SLC22A16: variants seen among roughly 807,000 people sequenced by gnomAD.
SLC22A16 encodes WUGSC:RG331P03.1.
A neutral mutation model predicts 52.9 loss-of-function variants in SLC22A16; 53 were observed. The ratio of observed to expected loss-of-function variants is 1.00; its 90% CI spans 0.80 to 1.26. The LOEUF (loss-of-function observed/expected upper bound fraction) is 1.26, where lower values mean the gene tolerates loss of function less well. Among genes scored for constraint, SLC22A16 ranks in the 50% most tolerant of loss-of-function variants. The probability of loss-of-function intolerance (pLI) is 0.00; values close to 1 mark genes in which losing one functional copy is unlikely to be tolerated. For synonymous variants in SLC22A16, 291 were observed against 268.8 expected (o/e 1.08, Z -0.81); for missense variants, 726 against 704.0 (o/e 1.03, Z -0.35).
chr6:110,464,800 A>G (rs1776005497), intron 1 of SLC22A16, among the ~76,000 whole-genome samples: 1 of 152,146 alleles, frequency 6.6e-6, no homozygotes, highest in Admixed American at 6.5e-5. Flanking sequence ...TGAAACCAGT[A>G]TCATAATGAT....
chr6:110,449,383 A>G (rs1474519284), intron 2 of SLC22A16, among the ~76,000 whole-genome samples: 2 of 151,888 alleles, frequency 1.3e-5, no homozygotes, highest in Non-Finnish European at 2.9e-5. Flanking sequence ...ATTCCTAAGT[A>G]TGGGCTATTA....
At chr6:110,474,288 C>T (rs573880698) in intron 1 of SLC22A16, among the ~76,000 whole-genome samples, 1 of 152,202 alleles carries the variant, frequency 6.6e-6, no homozygotes, top group African/African-American at 2.4e-5. Flanking sequence ...CAAAACCAGT[C>T]CCTGGTGCTA....
chr6:110,459,597 A>G (rs1775793200), intron 1 of SLC22A16, among the ~76,000 whole-genome samples: 2 of 152,204 alleles, frequency 1.3e-5, no homozygotes, highest in South Asian at 4.1e-4. Flanking sequence ...GAACAGGAAG[A>G]GGACACTTGG....
chr6:110,425,927 G>T (rs1774241622), intron 7 of SLC22A16, among the ~76,000 whole-genome samples: 2 of 152,274 alleles, frequency 1.3e-5, no homozygotes, highest in Non-Finnish European at 2.9e-5. Context: ...TTGCTGGAAA[G>T]ACCCTATAAA....
At chr6:110,428,914 T>C (rs1427783171) in intron 7 of SLC22A16, among the ~76,000 whole-genome samples, 1 of 152,150 alleles carries the variant, frequency 6.6e-6, no homozygotes, top group Non-Finnish European at 1.5e-5. Context: ...AGCAAGACTC[T>C]GTCTCAGAAG....
At chr6:110,437,157 AAATT>A (rs1284272024) in intron 5 of SLC22A16, among the ~76,000 whole-genome samples, 1 of 152,250 alleles carries the variant, frequency 6.6e-6, no homozygotes, top group East Asian at 1.9e-4. Flanking sequence ...ATTGTAAATT[AAATT>A]AATTAACAAT....
rs567200175 is a variant in SLC22A16 at position 110,444,563 on chromosome 6, T to TA, written c.652-1789dup. On this transcript the variant is annotated intron_variant, in intron 3 of 7. Coordinates refer to ENST00000368919, the MANE Select transcript of SLC22A16 (RefSeq NM_033125.4). ...TGTTCCCCTGTTCCCTCACTGCTTT[T>TA]AAAGACTTTTTGTAAACATGTGTCC... Among the ~76,000 whole-genome samples the TA allele has an allele frequency of 2.4e-3, 370 of 152,298 alleles. 1 individual carries two copies. The highest frequency in any genetic ancestry group is 8.5e-3 in the African/African-American group (352 of 41,560).
intron 3 of SLC22A16, among the ~76,000 whole-genome samples, chr6:110,444,997 T>C (rs1775112895): frequency 6.6e-6 from 1 of 152,186 alleles, no homozygotes; most frequent in South Asian, 2.1e-4. Context: ...AAAATCCATA[T>C]ACAACTAACT....
At chr6:110,427,083 A>G (rs1582511646) in intron 7 of SLC22A16, among the ~76,000 whole-genome samples, 1 of 150,646 alleles carries the variant, frequency 6.6e-6, no homozygotes, top group East Asian at 2.0e-4. Context: ...GAAATTCTCT[A>G]TGAAAAATAT....
At chr6:110,460,729 C>A (rs759903621) in intron 1 of SLC22A16, among the ~76,000 whole-genome samples, 12 of 152,120 alleles carry the variant, frequency 7.9e-5, no homozygotes, top group Non-Finnish European at 1.6e-4. Context: ...GCAACCTCAG[C>A]CTTTGTGATA....
Position 110,424,873 on chromosome 6 carries a change from T to G in SLC22A16, c.1734A>C (p.Ter578TyrextTer20), listed in dbSNP as rs1340102807. 6.2e-7 allele frequency: 1 copy of G among 1,614,160 alleles called. No homozygotes were observed. Among genetic ancestry groups the G allele is most frequent in the Non-Finnish European group, 8.5e-7 (1 of 1,180,018 alleles). Residue 578 changes from the stop codon to tyrosine (Y), a stop_lost, in exon 8 of 8, where the codon TAA becomes TAC. Coordinates refer to ENST00000368919, the MANE Select transcript of SLC22A16 (RefSeq NM_033125.4). ...ITPRDSGLGE* is the reference protein window; with the variant it reads ...ITPRDSGLGEY Reference sequence around the variant, plus strand: ...GTGCTAGACAGCAGGCATGGCACATTTATTCACCAAGACCAGAATCCCTGG... The same window carrying G: ...GTGCTAGACAGCAGGCATGGCACATGTATTCACCAAGACCAGAATCCCTGG...
chr6:110,465,885 T>C (rs1415919602), intron 1 of SLC22A16, among the ~76,000 whole-genome samples: 1 of 152,134 alleles, frequency 6.6e-6, no homozygotes, highest in Non-Finnish European at 1.5e-5. Flanking sequence ...GACTTCAAAC[T>C]ATACTACAAG....
Position 110,443,063 on chromosome 6 carries a change from G to A in SLC22A16, c.652-288C>T, listed in dbSNP as rs1174678715. Among the ~76,000 whole-genome samples the A allele has an allele frequency of 3.3e-5, 5 of 151,996 alleles. No homozygotes were observed. The East Asian group carries it at 9.6e-4, about 29-fold the overall frequency. ...TGTCATCTAAATATTTCATTATACT[G>A]TGGATGTATTTCTCCATTCCTTGTA... is the stretch of plus-strand genomic sequence containing the variant. On this transcript the variant is annotated intron_variant, in intron 3 of 7. Coordinates refer to ENST00000368919, the MANE Select transcript of SLC22A16 (RefSeq NM_033125.4).
intron 5 of SLC22A16, among the ~76,000 whole-genome samples, chr6:110,437,655 A>T (rs1305193346): frequency 6.6e-6 from 1 of 152,248 alleles, no homozygotes; most frequent in Admixed American, 6.5e-5. Flanking sequence ...CTTAATGATT[A>T]TATAATCACA....
chr6:110,453,819 T>C, intron 2 of SLC22A16: 1 of 413,702 alleles, frequency 2.4e-6, no homozygotes, highest in South Asian at 1.8e-5. Context: ...TTCTGCAGGC[T>C]GGGAAGATCA....
intron 1 of SLC22A16, among the ~76,000 whole-genome samples, chr6:110,469,563 C>T (rs1776191523): frequency 6.6e-6 from 1 of 152,138 alleles, no homozygotes; most frequent in African/African-American, 2.4e-5. Context: ...TAAATAAATA[C>T]TAACACCTTA....
intron 6 of SLC22A16, among the ~76,000 whole-genome samples, chr6:110,435,640 A>G (rs990248014): frequency 2.0e-5 from 3 of 152,226 alleles, no homozygotes; most frequent in African/African-American, 4.8e-5. Context: ...TTGGAATAAT[A>G]GAGTGTTATT....
chr6:110,473,491 C>CTTT (rs763478181), intron 1 of SLC22A16, among the ~76,000 whole-genome samples: 1 of 71,972 alleles, frequency 1.4e-5, no homozygotes, highest in Admixed American at 2.1e-4. Flanking sequence ...CCTGTTTTCC[C>CTTT]TTTTTTTTTT....
At chr6:110,444,636 C>T (rs1427605222) in intron 3 of SLC22A16, among the ~76,000 whole-genome samples, 4 of 152,156 alleles carry the variant, frequency 2.6e-5, no homozygotes, top group African/African-American at 9.7e-5. Context: ...CACAAAGAGG[C>T]CGGCCTACAA....
Sources: gnomAD v4.1 joint callset for allele counts (sites outside exome capture counted in the v4.1 genomes callset) on GRCh38, gnomAD v4.1.1 for gene constraint, MANE v1.5 for transcripts, NCBI Gene and HGNC (gene_info 2026-07-23, HGNC 2026-07-21) for gene names.